Variants in PHF21B observed in about 807,000 individuals in gnomAD.
The protein encoded by PHF21B is PHD finger protein 4.
PHF21B carries 22 observed loss-of-function variants against 62.2 expected under a neutral mutation model. That is an observed-to-expected ratio of 0.35 (90% CI 0.25 to 0.51). The LOEUF is 0.51. Ranked by LOEUF, PHF21B falls within the 20% of genes least tolerant of loss-of-function variation. The pLI is 0.97. For missense variants in PHF21B, 701 were observed against 707.9 expected (o/e 0.99, Z 0.11); for synonymous variants, 341 against 314.7 (o/e 1.08, Z -0.88).
intron 2 of PHF21B, among the ~76,000 whole-genome samples, chr22:44,998,086 G>A (rs1236956755): frequency 6.6e-6 from 1 of 152,260 alleles, no homozygotes; most frequent in Non-Finnish European, 1.5e-5. Flanking sequence ...CATACCTGGA[G>A]ATCTGCAGCC....
At chr22:44,935,707 G>A (rs1330601108) in intron 2 of PHF21B, among the ~76,000 whole-genome samples, 1 of 152,192 alleles carries the variant, frequency 6.6e-6, no homozygotes, top group Non-Finnish European at 1.5e-5. Context: ...TCATGGGAGA[G>A]GGCAACAGGG....
intron 7 of PHF21B, among the ~76,000 whole-genome samples, chr22:44,892,374 C>A (rs144097032): frequency 2.5e-4 from 38 of 152,366 alleles, no homozygotes; most frequent in Middle Eastern, 6.8e-3. Flanking sequence ...CCAGAGGACG[C>A]CCCATGGTGG....
intron 2 of PHF21B, among the ~76,000 whole-genome samples, chr22:44,932,703 T>C (rs1391335724): frequency 6.6e-6 from 1 of 152,262 alleles, no homozygotes; most frequent in Non-Finnish European, 1.5e-5. Flanking sequence ...CCTCCGCACC[T>C]GCACCACGGA....
rs544501497 is a variant in PHF21B, at chr22:44,981,458, T to G, written c.120+27087A>C. 2.8e-4 allele frequency among the ~76,000 whole-genome samples: 42 copies of G among 152,330 alleles called. 1 individual carries two copies. The highest frequency in any genetic ancestry group is 8.7e-4 in the African/African-American group (36 of 41,574). On this transcript the variant is annotated intron_variant, in intron 2 of 12. Coordinates refer to ENST00000313237, the MANE Select transcript of PHF21B (RefSeq NM_138415.5). ...TGAAGGTGGGGACCCTGTGCTGTCA[T>G]GAACCCAGCACCTCACCCAAGGCCT... is the stretch of plus-strand genomic sequence containing the variant.
intron 2 of PHF21B, among the ~76,000 whole-genome samples, chr22:44,946,476 G>A (rs2072073981): frequency 6.6e-6 from 1 of 152,158 alleles, no homozygotes; most frequent in African/African-American, 2.4e-5. Flanking sequence ...GGATGGGAAA[G>A]AGGAAACACG....
At chr22:44,932,520 T>G (rs758592181) in intron 2 of PHF21B, among the ~76,000 whole-genome samples, 3 of 152,214 alleles carry the variant, frequency 2.0e-5, no homozygotes, top group African/African-American at 7.2e-5. Flanking sequence ...CTGTCCCCAC[T>G]GACCTCCAGA....
chr22:44,945,173 T>A (rs2072041630), intron 2 of PHF21B, among the ~76,000 whole-genome samples: 1 of 152,212 alleles, frequency 6.6e-6, no homozygotes, highest in Non-Finnish European at 1.5e-5. Flanking sequence ...GCAGAAATCC[T>A]GGGTTTCCTG....
chr22:45,005,248 C>A (rs1024648590), intron 2 of PHF21B, among the ~76,000 whole-genome samples: 4 of 152,232 alleles, frequency 2.6e-5, no homozygotes, highest in African/African-American at 9.6e-5. Flanking sequence ...GAAGAGGGCC[C>A]TCCACTATCT....
In PHF21B at chr22:44,967,800, C is replaced by T. The variant is rs142075879; in HGVS notation, c.120+40745G>A. 5.8e-4 allele frequency among the ~76,000 whole-genome samples: 88 copies of T among 152,276 alleles called. No homozygotes were observed. In the East Asian group the frequency reaches 0.013, roughly 22 times the overall value. On this transcript the variant is annotated intron_variant, in intron 2 of 12. Coordinates refer to ENST00000313237, the MANE Select transcript of PHF21B (RefSeq NM_138415.5). Reference sequence around the variant, plus strand: ...AGGATCCCACATGACATTTCATCATCGCTCTCCCCAGGCTGCCCTGGGCTG... The same window carrying T: ...AGGATCCCACATGACATTTCATCATTGCTCTCCCCAGGCTGCCCTGGGCTG...
chr22:44,980,615 A>C (rs1285358026), intron 2 of PHF21B, among the ~76,000 whole-genome samples: 1 of 152,204 alleles, frequency 6.6e-6, no homozygotes, highest in African/African-American at 2.4e-5. Flanking sequence ...TCAGAGGCAA[A>C]TTCAGGGCAG....
chr22:44,923,430 A>T (rs997486222), intron 2 of PHF21B, among the ~76,000 whole-genome samples: 5 of 152,220 alleles, frequency 3.3e-5, no homozygotes, highest in African/African-American at 1.2e-4. Flanking sequence ...AATGTAACAG[A>T]AATCTTTGGG....
chr22:44,891,753 T>G (rs1433427286), intron 7 of PHF21B, among the ~76,000 whole-genome samples: 1 of 152,230 alleles, frequency 6.6e-6, no homozygotes, highest in East Asian at 1.9e-4. Flanking sequence ...TGTTATAGAC[T>G]GGCTCCCCTA....
At chr22:44,931,650 G>GGGA (rs368484017) in intron 2 of PHF21B, among the ~76,000 whole-genome samples, 4 of 150,126 alleles carry the variant, frequency 2.7e-5, no homozygotes, top group Admixed American at 6.6e-5. Flanking sequence ...TGGGGGGGGG[G>GGGA]TGTCAAAAAA....
At chr22:44,968,244 CTTTA>C (rs2072568084) in intron 2 of PHF21B, among the ~76,000 whole-genome samples, 1 of 152,120 alleles carries the variant, frequency 6.6e-6, no homozygotes, top group South Asian at 2.1e-4. Flanking sequence ...TTTGTCTCGT[CTTTA>C]TTCATTTATT....
At chr22:44,916,143 A>G in intron 4 of PHF21B, 137 bp downstream of exon 4, 2 of 811,266 alleles carry the variant, frequency 2.5e-6, no homozygotes, top group Non-Finnish European at 3.9e-6. Context: ...CCATTCATTC[A>G]TTTGTCCACT....
intron 2 of PHF21B, among the ~76,000 whole-genome samples, chr22:44,964,388 G>A (rs982550972): frequency 1.3e-5 from 2 of 152,072 alleles, no homozygotes; most frequent in East Asian, 1.9e-4. Context: ...ACTGACTCTC[G>A]CACCCCTGAA....
chr22:44,986,137 GCAC>G (rs199572158), intron 2 of PHF21B, among the ~76,000 whole-genome samples: 2,043 of 110,964 alleles, frequency 0.018, 37 homozygotes, highest in African/African-American at 0.058. Flanking sequence ...ACCAGCAGCA[GCAC>G]CACCAACACC....
At chr22:44,980,149 T>C (rs945617913) in intron 2 of PHF21B, among the ~76,000 whole-genome samples, 2 of 150,752 alleles carry the variant, frequency 1.3e-5, no homozygotes, top group African/African-American at 2.4e-5. Flanking sequence ...ATTTACTCCA[T>C]TTGCGAAGCT....
intron 2 of PHF21B, among the ~76,000 whole-genome samples, chr22:44,927,980 A>T (rs2071665542): frequency 6.6e-6 from 1 of 152,160 alleles, no homozygotes; most frequent in African/African-American, 2.4e-5. Flanking sequence ...CAGCTGGGGA[A>T]ATCTCTAGGA....
Sources: gnomAD v4.1 joint callset for allele counts (sites outside exome capture counted in the v4.1 genomes callset) on GRCh38, gnomAD v4.1.1 for gene constraint, MANE v1.5 for transcripts, NCBI Gene and HGNC (gene_info 2026-07-23, HGNC 2026-07-21) for gene names.